ZBTB18: variants seen among roughly 807,000 people sequenced by gnomAD.
The protein encoded by ZBTB18 is zinc finger and BTB domain containing 18, also known as zinc finger and BTB domain-containing protein 18.
Under a neutral mutation model 37.7 loss-of-function variants are expected in ZBTB18, and 2 were observed. The observed-to-expected ratio is 0.05, with a 90% confidence interval of 0.02 to 0.17. ZBTB18 has a LOEUF of 0.17. Ranked by LOEUF, ZBTB18 falls within the 10% of genes least tolerant of loss-of-function variation. The pLI, the probability that ZBTB18 is intolerant of heterozygous loss-of-function variation, is 1.00. For missense variants in ZBTB18, 408 were observed against 686.3 expected (o/e 0.59, Z 4.53); for synonymous variants, 304 against 276.5 (o/e 1.10, Z -0.99).
intron 1 of ZBTB18, among the ~76,000 whole-genome samples, chr1:244,051,965 C>A (rs1034005199): frequency 8.6e-5 from 13 of 152,010 alleles, no homozygotes; most frequent in South Asian, 2.1e-4. Flanking sequence ...GAAAAAAAAA[C>A]CAAACTTTTG....
chr1:244,051,915 C>A (rs749907780), intron 1 of ZBTB18, among the ~76,000 whole-genome samples: 1 of 152,056 alleles, frequency 6.6e-6, no homozygotes, highest in Admixed American at 6.6e-5. Flanking sequence ...CTGAAACATA[C>A]AGCTGTAGTG....
intron 1 of ZBTB18, among the ~76,000 whole-genome samples, chr1:244,052,571 GTCT>G (rs1204263764): frequency 1.3e-5 from 2 of 152,152 alleles, no homozygotes; most frequent in Non-Finnish European, 2.9e-5. Context: ...GGGAAGTCGG[GTCT>G]TCTTTATTTT....
Position 244,056,778 on chromosome 1 carries a change from T to A in ZBTB18, c.*1408T>A, listed in dbSNP as rs1266808131. The A allele has an allele frequency of 6.0e-6, 1 of 166,544 alleles. No homozygotes were observed. The highest frequency in any genetic ancestry group is 1.5e-5 in the Non-Finnish European group (1 of 68,096). The allele number at this position is 166,544 out of a possible 1,614,324, so 10.3% of individuals were successfully genotyped here. ...TGGGGAAGGGGGTTAGTAGACTATG[T>A]GGATTGCGGCAGCAGAGGCTGCAGC... is the stretch of plus-strand genomic sequence containing the variant. On this transcript the variant is annotated 3_prime_UTR_variant, in exon 2 of 2. Coordinates refer to ENST00000358704, the MANE Select transcript of ZBTB18 (RefSeq NM_205768.3).
Position 244,056,223 on chromosome 1 carries a change from G to A in ZBTB18, c.*853G>A, listed in dbSNP as rs1265340766. On this transcript the variant is annotated 3_prime_UTR_variant, in exon 2 of 2. Transcript: ENST00000358704. The stretch of plus-strand genomic sequence containing the variant: ...TTTGTTTGCATTGTATAACTTTAAC[G>A]AGTGAGTTTAAAATTATTTAATTTC... 6.0e-6 allele frequency: 1 copy of A among 166,822 alleles called. No homozygotes were observed. The highest frequency in any genetic ancestry group is 2.4e-5 in the African/African-American group (1 of 41,354). The allele number at this position is 166,822 out of a possible 1,614,324, so 10.3% of individuals were successfully genotyped here. A position where few individuals can be genotyped will look rare whatever the true frequency, so the allele number is the denominator to read the frequency against.
chr1:244,054,518 G>T lies in ZBTB18; in HGVS notation c.744G>T (p.Val248=). 1.2e-6 allele frequency: 2 copies of T among 1,614,254 alleles called. No homozygotes were observed. The highest frequency in any genetic ancestry group is 1.7e-6 in the Non-Finnish European group (2 of 1,180,044). Residue 248 remains valine, a synonymous_variant, in exon 2 of 2, where the codon GTG becomes GTT. Transcript: ENST00000358704. The surrounding 1 kb of genome is among the most constrained non-coding windows in gnomAD (Gnocchi z 9.0). ...SVRDSADVDC[V]LDLSVKSSLS... is the part of the protein sequence containing the mutation. ...GGGATTCGGCAGATGTTGACTGTGT[G>T]CTGGACCTGTCTGTCAAGTCCAGCC...
At position 244,054,469 on chromosome 1, in the gene ZBTB18, C is replaced by A; in HGVS notation, c.695C>A (p.Ser232Tyr). The A allele has an allele frequency of 6.2e-7, 1 of 1,614,206 alleles. No individual in the cohort carries two copies. The highest frequency in any genetic ancestry group is 8.5e-7 in the Non-Finnish European group (1 of 1,180,034). The stretch of plus-strand genomic sequence containing the variant: ...CCCTGCAGCTCAACAGAGTCTTTGT[C>A]CCAGAGGTCTGTCACCTCCGTGAGG... ...ASPCSSTESL[S>Y]QRSVTSVRDS... The change falls in exon 2 of 2, where the codon TCC becomes TAC. Residue 232 changes from serine to tyrosine, a missense_variant. Around this residue, in one of 4 missense-constraint regions of ZBTB18, gnomAD observed 266 missense variants for 312.0 expected, o/e 0.85. Transcript: ENST00000358704. The surrounding 1 kb of genome is among the most constrained non-coding windows in gnomAD (Gnocchi z 9.0).
chr1:244,055,196 G>C lies in ZBTB18; in HGVS notation c.1422G>C (p.Pro474=). Residue 474 remains proline (P), a synonymous_variant, in exon 2 of 2, where the codon CCG becomes CCC. Transcript: ENST00000358704. The surrounding 1 kb of genome is among the most constrained non-coding windows in gnomAD (Gnocchi z 7.0). ...CCGTGGTGCACACCCGCGAGAAGCC[G>C]CACGCCTGCAAGTGGTGCGAGCGCA... ...RHAVVHTREK[P]HACKWCERRF... 6.2e-7 allele frequency: 1 copy of C among 1,614,052 alleles called. No individual in the cohort carries two copies. The highest frequency in any genetic ancestry group is 8.5e-7 in the Non-Finnish European group (1 of 1,180,018).
intron 1 of ZBTB18, among the ~76,000 whole-genome samples, chr1:244,052,852 GTTTTA>G (rs1367724644): frequency 6.6e-6 from 1 of 151,934 alleles, no homozygotes; most frequent in African/African-American, 2.4e-5. Flanking sequence ...AAGCTTTTGA[GTTTTA>G]TTTAAGCGCT....
chr1:244,049,599 C>T (rs540299383), upstream of ZBTB18, among the ~76,000 whole-genome samples: 78 of 152,238 alleles, frequency 5.1e-4, no homozygotes, highest in African/African-American at 1.8e-3. Flanking sequence ...TTGTTGTTGC[C>T]GTGACCCGGG....
chr1:244,056,683 C>T lies in ZBTB18; in HGVS notation c.*1313C>T, dbSNP rs1325442207. On this transcript the variant is annotated 3_prime_UTR_variant, in exon 2 of 2. Coordinates refer to ENST00000358704, the MANE Select transcript of ZBTB18 (RefSeq NM_205768.3). ...CCCCCCCCACCACCACCCTCCACCC[C>T]CAACTCATGAAAAGATTCTATGGAC... The T allele has an allele frequency of 3.0e-5, 5 of 165,678 alleles. No individual in the cohort carries two copies. Among genetic ancestry groups the T allele is most frequent in the African/African-American group, 9.8e-5 (4 of 40,798 alleles). 10.3% of individuals were successfully genotyped at this position (165,678 alleles called of 1,614,324 possible). A position where few individuals can be genotyped will look rare whatever the true frequency, so the allele number is the denominator to read the frequency against.
rs1031983583 is a variant in ZBTB18 at position 244,056,699 on chromosome 1, T to C, written c.*1329T>C. The C allele has an allele frequency of 8.0e-6, 1 of 125,784 alleles. No homozygotes were observed. Among genetic ancestry groups the C allele is most frequent in the Admixed American group, 1.4e-4 (1 of 7,240 alleles). The allele number at this position is 125,784 out of a possible 1,614,324, so 7.8% of individuals were successfully genotyped here. ...CCTCCACCCCCAACTCATGAAAAGA[T>C]TCTATGGACTGAAAAAGCCCCAGGC... is the stretch of plus-strand genomic sequence containing the variant. On this transcript the variant is annotated 3_prime_UTR_variant, in exon 2 of 2. Transcript: ENST00000358704.
rs1698423067 is a variant in ZBTB18 at position 244,054,791 on chromosome 1, C to T, written c.1017C>T (p.Asp339=). 1 of 1,614,110 alleles carries T rather than the reference C, an allele frequency of 6.2e-7. No homozygotes were observed. The highest frequency in any genetic ancestry group is 8.5e-7 in the Non-Finnish European group (1 of 1,180,022). Reference sequence around the variant, plus strand: ...TCTTGAGGGAGCTGGACCGGGAGGACAAAGCCAGTGATGATGAGATGATGA... The same window carrying T: ...TCTTGAGGGAGCTGGACCGGGAGGATAAAGCCAGTGATGATGAGATGATGA... ...DSVLRELDRE[D]KASDDEMMTP... is the part of the protein sequence containing the mutation. The change falls in exon 2 of 2, where the codon GAC becomes GAT. Residue 339 remains aspartate (D), a synonymous_variant. Transcript: ENST00000358704. This position sits in a 1 kb window ranked among gnomAD's most constrained non-coding sequence, Gnocchi z 9.0.
upstream of ZBTB18, among the ~76,000 whole-genome samples, chr1:244,048,592 T>A (rs1189450307): frequency 2.4e-5 from 3 of 126,046 alleles, no homozygotes; most frequent in African/African-American, 8.8e-5. Context: ...GCGTGGTGCG[T>A]CCTCCCGCCC....
At chr1:244,050,480 G>A (rs527871958), upstream of ZBTB18, among the ~76,000 whole-genome samples, 38 of 148,378 alleles carry the variant, frequency 2.6e-4, no homozygotes, top group South Asian at 7.6e-3. Context: ...ACAGATCAAG[G>A]GGAAGGCAAG....
chr1:244,051,264 A>G (rs1239654408), upstream of ZBTB18: 5 of 624,884 alleles, frequency 8.0e-6, no homozygotes, highest in Non-Finnish European at 1.1e-5. Context: ...CTTTTATTCT[A>G]ACACACAGAC....
rs1047465147 is a variant in ZBTB18 at position 244,051,396 on chromosome 1, C to G, written c.-36C>G. ...TTCCACCGATGTAACAGACCTGGAG[C>G]CAGCAGGACTCAGAGGAAAGGACTT... On this transcript the variant is annotated 5_prime_UTR_variant, in exon 1 of 2. Coordinates refer to ENST00000358704, the MANE Select transcript of ZBTB18 (RefSeq NM_205768.3). The G allele has an allele frequency of 1.9e-6, 3 of 1,613,386 alleles. No homozygotes were observed. Among genetic ancestry groups the G allele is most frequent in the African/African-American group, 2.7e-5 (2 of 74,876 alleles).
In ZBTB18 at chr1:244,057,023, T is replaced by C. The variant is rs1360164791; in HGVS notation, c.*1653T>C. 6.0e-6 allele frequency: 1 copy of C among 167,030 alleles called. No homozygotes were observed. The highest frequency in any genetic ancestry group is 1.5e-5 in the Non-Finnish European group (1 of 68,116). 10.3% of individuals were successfully genotyped at this position (167,030 alleles called of 1,614,324 possible). On this transcript the variant is annotated 3_prime_UTR_variant, in exon 2 of 2. Transcript: ENST00000358704. Reference sequence around the variant, plus strand: ...TTAAGATACTGAATGGAAAACTCCATTGTGTGTTGCTGGACTGTTTTGGAA... The same window carrying C: ...TTAAGATACTGAATGGAAAACTCCACTGTGTGTTGCTGGACTGTTTTGGAA...
rs1174908505 is a variant in ZBTB18, at chr1:244,053,697, G to T, written c.14-91G>T. The T allele has an allele frequency of 2.0e-6, 3 of 1,513,948 alleles. No homozygotes were observed. The Admixed American group carries it at 6.7e-5, about 34-fold the overall frequency. 93.8% of individuals were successfully genotyped at this position (1,513,948 alleles called of 1,614,324 possible). ...AAATTCAGGGACATGTACCACGGCGGCCAAAGCGGAATTAATTTTTTTATA... is the reference window on the plus strand; with the variant it reads ...AAATTCAGGGACATGTACCACGGCGTCCAAAGCGGAATTAATTTTTTTATA... On this transcript the variant is annotated intron_variant, in intron 1 of 1. Transcript: ENST00000358704. This position sits in a 1 kb window ranked among gnomAD's most constrained non-coding sequence, Gnocchi z 5.2.
At position 244,057,004 on chromosome 1, in the gene ZBTB18, TACTG is replaced by T. The variant is rs1251732032; in HGVS notation, c.*1636_*1639del. 6.0e-6 allele frequency: 1 copy of T among 167,024 alleles called. No homozygotes were observed. The highest frequency in any genetic ancestry group is 1.5e-5 in the Non-Finnish European group (1 of 68,118). 10.3% of individuals were successfully genotyped at this position (167,024 alleles called of 1,614,324 possible). The stretch of plus-strand genomic sequence containing the variant: ...ACATAGCCTATTTTTGTGCTTAAGA[TACTG>T]AATGGAAAACTCCATTGTGTGTTGC... On this transcript the variant is annotated 3_prime_UTR_variant, in exon 2 of 2. Transcript: ENST00000358704.
Sources: allele counts gnomAD v4.1 joint callset (sites outside exome capture counted in the v4.1 genomes callset), GRCh38; gene constraint gnomAD v4.1.1; regional missense constraint gnomAD v4.1.1; non-coding constraint Gnocchi (gnomAD v3.1); transcripts MANE v1.5; gene names NCBI Gene and HGNC (gene_info 2026-07-23, HGNC 2026-07-21).